LAMA3: variants seen among roughly 807,000 people sequenced by gnomAD.
The protein encoded by LAMA3 is laminin subunit alpha 3.
In LAMA3, 281 loss-of-function variants were observed where a neutral mutation model predicts 402.0. The observed-to-expected ratio is 0.70, with a 90% CI of 0.63 to 0.77. The LOEUF is 0.77. LAMA3 is among the 30% of genes least tolerant of loss of function. The pLI is 0.00. For synonymous variants in LAMA3, 1,431 were observed against 1,558.4 expected, an observed-to-expected ratio of 0.92 and a Z score of 1.93; for missense variants, 3,840 against 4,215.5, an observed-to-expected ratio of 0.91 and a Z score of 2.47.
intron 2 of LAMA3, among the ~76,000 whole-genome samples, chr18:23,715,130 A>G (rs545460562): frequency 6.6e-6 from 1 of 152,282 alleles, no homozygotes; most frequent in East Asian, 1.9e-4. Context: ...GGCGTGACTA[A>G]TAATAGGTAT....
chr18:23,913,712 G>A (rs545780983), intron 56 of LAMA3, among the ~76,000 whole-genome samples: 1 of 152,172 alleles, frequency 6.6e-6, no homozygotes, highest in Non-Finnish European at 1.5e-5. Flanking sequence ...TGCTTCAAGA[G>A]GTTGGCATTT....
intron 62 of LAMA3, among the ~76,000 whole-genome samples, chr18:23,923,505 G>A (rs533952696): frequency 2.0e-5 from 3 of 152,210 alleles, no homozygotes; most frequent in Non-Finnish European, 4.4e-5. Context: ...CAAGAATGAT[G>A]CCTGGTTTTT....
At chr18:23,714,252 G>A (rs924209618) in intron 2 of LAMA3, among the ~76,000 whole-genome samples, 180 bp downstream of exon 2, 5 of 152,180 alleles carry the variant, frequency 3.3e-5, no homozygotes, top group African/African-American at 1.2e-4. Context: ...AGGCACAGTG[G>A]CTCATGCCTG....
In LAMA3 at chr18:23,839,876, C is replaced by G. The variant is rs771869538; in HGVS notation, c.3283C>G (p.Gln1095Glu). The G allele has an allele frequency of 2.5e-6, 4 of 1,614,234 alleles. No homozygotes were observed. Among genetic ancestry groups the G allele is most frequent in the Non-Finnish European group, 3.4e-6 (4 of 1,180,022 alleles). Reference sequence around the variant, plus strand: ...CAGGCCTTTCCCTCACCTGCCCCAGCAGTCGTCACCTTCTGTTGATGTTCT... The same window carrying G: ...CAGGCCTTTCCCTCACCTGCCCCAGGAGTCGTCACCTTCTGTTGATGTTCT... ...SGRPFPHLPQQSSPSVDVLPG... is the reference protein window; with the variant it reads ...SGRPFPHLPQESSPSVDVLPG... The change falls in exon 27 of 75, where the codon CAG becomes GAG. Residue 1095 changes from glutamine (Q) to glutamate (E), a missense_variant. Transcript: ENST00000313654. The surrounding 1 kb of genome is among the most constrained non-coding windows in gnomAD (Gnocchi z 4.5).
chr18:23,897,118 G>A (rs2145084024), intron 44 of LAMA3, among the ~76,000 whole-genome samples: 1 of 152,014 alleles, frequency 6.6e-6, no homozygotes, highest in East Asian at 1.9e-4. Context: ...AACAAGAAGA[G>A]GTAGATAGGA....
At chr18:23,866,016 A>G (rs2064348186) in intron 36 of LAMA3, among the ~76,000 whole-genome samples, 1 of 152,200 alleles carries the variant, frequency 6.6e-6, no homozygotes, top group Admixed American at 6.5e-5. Flanking sequence ...TATTTTCTTT[A>G]GAGATGGGGT....
At chr18:23,919,867 A>C in intron 60 of LAMA3, among the ~76,000 whole-genome samples, 1 of 148,484 alleles carries the variant, frequency 6.7e-6, no homozygotes, top group Non-Finnish European at 1.5e-5. Flanking sequence ...GTAGGGGGGA[A>C]TGGACTTTCG....
At chr18:23,838,342 T>C (rs1327770552) in intron 25 of LAMA3, among the ~76,000 whole-genome samples, 1 of 152,210 alleles carries the variant, frequency 6.6e-6, no homozygotes, top group African/African-American at 2.4e-5. Context: ...TCATTCTTTA[T>C]TAAGAAGGGT....
chr18:23,710,211 T>G (rs950357156), intron 1 of LAMA3: 8 of 647,042 alleles, frequency 1.2e-5, no homozygotes, highest in African/African-American at 1.8e-5. Flanking sequence ...AAACACTGCC[T>G]TCTTGGCCTT....
At chr18:23,927,162 G>T (rs2145362895) in intron 62 of LAMA3, among the ~76,000 whole-genome samples, 1 of 152,100 alleles carries the variant, frequency 6.6e-6, no homozygotes, top group South Asian at 2.1e-4. Flanking sequence ...ACGTTAACTT[G>T]TTTTTTTGGT....
chr18:23,738,601 A>G (rs2061515432), intron 2 of LAMA3, among the ~76,000 whole-genome samples: 1 of 152,208 alleles, frequency 6.6e-6, no homozygotes, highest in South Asian at 2.1e-4. Context: ...GGACCACAGC[A>G]GCAGAAGGCA....
intron 70 of LAMA3, chr18:23,946,542 A>G: frequency 2.0e-6 from 1 of 491,344 alleles, no homozygotes; most frequent in Non-Finnish European, 3.7e-6. Context: ...CCTAAACCTG[A>G]ATCTATTGGC....
intron 67 of LAMA3, among the ~76,000 whole-genome samples, chr18:23,935,936 T>C (rs1201133139): frequency 6.6e-6 from 1 of 151,624 alleles, no homozygotes; most frequent in Non-Finnish European, 1.5e-5. Flanking sequence ...GAGTGAATAT[T>C]GTTGCTGCCC....
At chr18:23,699,802 C>A (rs1029105701) in intron 1 of LAMA3, among the ~76,000 whole-genome samples, 1 of 152,140 alleles carries the variant, frequency 6.6e-6, no homozygotes, top group African/African-American at 2.4e-5. Flanking sequence ...GAAAATAAGG[C>A]TGGGACGTGC....
chr18:23,772,226 G>A (rs180898736), intron 8 of LAMA3, among the ~76,000 whole-genome samples: 80 of 152,244 alleles, frequency 5.3e-4, no homozygotes, highest in African/African-American at 1.9e-3. Flanking sequence ...ATTTTTAGCA[G>A]AGACGGGGTT....
At chr18:23,860,345 G>A (rs1336065135) in intron 34 of LAMA3, among the ~76,000 whole-genome samples, 4 of 142,134 alleles carry the variant, frequency 2.8e-5, no homozygotes, top group Admixed American at 7.5e-5. Context: ...TGCAACCTTC[G>A]CTTCCAGGGC....
At chr18:23,779,289 AG>A (rs2062388238) in intron 11 of LAMA3, among the ~76,000 whole-genome samples, 3 of 152,190 alleles carry the variant, frequency 2.0e-5, no homozygotes, top group Admixed American at 6.5e-5. Flanking sequence ...GGAGAAGAGA[AG>A]AGAAGAGAAG....
At chr18:23,709,997 G>A (rs1288855999) in intron 1 of LAMA3, 2 of 745,776 alleles carry the variant, frequency 2.7e-6, no homozygotes, top group East Asian at 2.5e-5. Flanking sequence ...CATCCACAAC[G>A]AACACAAGTG....
At chr18:23,889,757 T>C (rs1304404284) in intron 41 of LAMA3, among the ~76,000 whole-genome samples, 1 of 148,944 alleles carries the variant, frequency 6.7e-6, no homozygotes, top group Non-Finnish European at 1.5e-5. Flanking sequence ...AATAATGCAA[T>C]AGGAAATATT....
Sources: gnomAD v4.1 joint callset for allele counts (sites outside exome capture counted in the v4.1 genomes callset) on GRCh38, gnomAD v4.1.1 for gene constraint, Gnocchi (gnomAD v3.1) non-coding constraint, MANE v1.5 for transcripts, NCBI Gene and HGNC (gene_info 2026-07-23, HGNC 2026-07-21) for gene names.